Variants in CHRNE observed in about 807,000 individuals in gnomAD.
CHRNE encodes cholinergic receptor nicotinic epsilon subunit, also known as acetylcholine receptor subunit epsilon.
Under a neutral mutation model 56.5 loss-of-function variants are expected in CHRNE, and 58 were observed. The ratio of observed to expected loss-of-function variants is 1.03; its 90% CI spans 0.83 to 1.28. CHRNE has a LOEUF of 1.28. Among genes scored for constraint, CHRNE ranks in the 50% most tolerant of loss-of-function variants. CHRNE has a pLI of 0.00. For synonymous variants in CHRNE, 385 were observed against 297.9 expected (o/e 1.29, Z -3.01); for missense variants, 793 against 688.9 (o/e 1.15, Z -1.69).
rs373275223 is a variant in CHRNE at position 4,902,636 on chromosome 17, C to T, written c.174G>A (p.Thr58=). 9.7e-5 allele frequency: 156 copies of T among 1,613,978 alleles called. No individual in the cohort carries two copies. Among genetic ancestry groups the T allele is most frequent in the Non-Finnish European group, 1.3e-4 (149 of 1,180,018 alleles). ...GGTAGCTTACCAGTGAGATGAGATT[C>T]GTCAGGGTGACCTTGAGGCTGATGG... ...TVTISLKVTL[T]NLISLNEKEE... is the part of the protein sequence containing the mutation. Residue 58 remains threonine (T), a synonymous_variant, in exon 2 of 12, where the codon ACG becomes ACA. Transcript: ENST00000649488. The surrounding 1 kb of genome is among the most constrained non-coding windows in gnomAD (Gnocchi z 4.0).
At position 4,898,793 on chromosome 17, in the gene CHRNE, G is replaced by C; in HGVS notation, c.1425C>G (p.Leu475=). The C allele has an allele frequency of 6.2e-7, 1 of 1,608,098 alleles. No homozygotes were observed. The highest frequency in any genetic ancestry group is 8.5e-7 in the Non-Finnish European group (1 of 1,177,776). Residue 475 remains leucine, a synonymous_variant, in exon 12 of 12, where the codon CTC becomes CTG. Transcript: ENST00000649488. ...CAGGCACTCGGTTGAAGTAGGCCCC[G>C]AGGAAGATGAGGCTGGAGCCCACGC... ...LFSVGSSLIF[L]GAYFNRVPDL...
rs1222104053 is a variant in CHRNE at position 4,897,961 on chromosome 17, G to A, written c.*775C>T. The A allele has an allele frequency of 1.4e-5, 2 of 138,474 alleles. No individual in the cohort carries two copies. Among genetic ancestry groups the A allele is most frequent in the Non-Finnish European group, 3.0e-5 (2 of 66,558 alleles). The allele number at this position is 138,474 out of a possible 1,614,324, so 8.6% of individuals were successfully genotyped here. ...CCTTGCTTGCATCTGTATATAGTGTGAGCAGCAAGTAACCCTTCTCCCTCC... is the reference window on the plus strand; with the variant it reads ...CCTTGCTTGCATCTGTATATAGTGTAAGCAGCAAGTAACCCTTCTCCCTCC... On this transcript the variant is annotated 3_prime_UTR_variant, in exon 12 of 12. Transcript: ENST00000649488.
rs1327225681 is a variant in CHRNE at position 4,899,540 on chromosome 17, C to A, written c.960G>T (p.Met320Ile). ...FVMVVATLIV[M>I]NCVIVLNVSQ... ...ACACGTTGAGCACGATGACGCAATT[C>A]ATGACAATGAGCGTGGCGACCACCA... Residue 320 changes from methionine to isoleucine, a missense_variant, in exon 9 of 12, where the codon ATG becomes ATT. Coordinates refer to ENST00000649488, the MANE Select transcript of CHRNE (RefSeq NM_000080.4). The A allele has an allele frequency of 6.2e-7, 1 of 1,603,018 alleles. No homozygotes were observed. Among genetic ancestry groups the A allele is most frequent in the Admixed American group, 1.7e-5 (1 of 58,578 alleles).
chr17:4,902,077 G>C lies in CHRNE; in HGVS notation c.355C>G (p.Gln119Glu), dbSNP rs773553639. The change falls in exon 5 of 12, where the codon CAG (glutamine) becomes GAG (glutamate). Residue 119 changes from glutamine to glutamate, a missense_variant. Transcript: ENST00000649488. The surrounding 1 kb of genome is among the most constrained non-coding windows in gnomAD (Gnocchi z 4.0). ...TTGGCGTCGTAGGCCACTCCGAACTGGCCATCAATACTGTGGGCTCGGGGA... is the reference window on the plus strand; with the variant it reads ...TTGGCGTCGTAGGCCACTCCGAACTCGCCATCAATACTGTGGGCTCGGGGA... ...EIVLENNIDG[Q>E]FGVAYDANVL... 1 of 1,614,026 alleles carries C rather than the reference G, an allele frequency of 6.2e-7. No homozygotes were observed. The highest frequency in any genetic ancestry group is 8.5e-7 in the Non-Finnish European group (1 of 1,180,012).
chr17:4,901,882 A>AGGG, intron 5 of CHRNE, 50 bp downstream of exon 5: 1 of 1,484,020 alleles, frequency 6.7e-7, no homozygotes, highest in Non-Finnish European at 9.3e-7. Flanking sequence ...CCGCCCCATA[A>AGGG]GGCCCCCCCC....
rs748823182 is a variant in CHRNE, at chr17:4,901,208, G to A, written c.602-18C>T. ...GCCGTTCTCTGCGGGACGGGGGCAC[G>A]GTCAGCTGGCTGTCAGAGCGGGGCG... On this transcript the variant is annotated intron_variant, in intron 6 of 11. Coordinates refer to ENST00000649488, the MANE Select transcript of CHRNE (RefSeq NM_000080.4). 5.6e-6 allele frequency: 9 copies of A among 1,597,582 alleles called. No individual in the cohort carries two copies. Among genetic ancestry groups the A allele is most frequent in the African/African-American group, 1.3e-5 (1 of 74,920 alleles).
chr17:4,907,590 A>AT (rs386627263), upstream of CHRNE, among the ~76,000 whole-genome samples: 9 of 124,918 alleles, frequency 7.2e-5, no homozygotes, highest in African/African-American at 1.2e-4. Context: ...AAAAAAAAAA[A>AT]CACTCTCAGC....
chr17:4,901,411 C>G, intron 6 of CHRNE, 114 bp downstream of exon 6: 2 of 1,071,944 alleles, frequency 1.9e-6, no homozygotes. Context: ...GTAAGCTAAA[C>G]CCAGTTGTGG....
At chr17:4,900,236 G>GCC in intron 8 of CHRNE, 1 of 1,547,338 alleles carries the variant, frequency 6.5e-7, no homozygotes, top group Non-Finnish European at 8.7e-7. Flanking sequence ...CCCCAATGCA[G>GCC]ATCTCAGCCC....
At chr17:4,901,440 G>T in intron 6 of CHRNE, 85 bp downstream of exon 6, 1 of 1,283,872 alleles carries the variant, frequency 7.8e-7, no homozygotes, top group Non-Finnish European at 1.1e-6. Flanking sequence ...CTCCAGTGTC[G>T]TTGGTCCGGG....
At chr17:4,899,984 G>A (rs1039173948) in intron 8 of CHRNE, 14 of 1,551,366 alleles carry the variant, frequency 9.0e-6, no homozygotes, top group Non-Finnish European at 1.0e-5. Flanking sequence ...CTCCGTGGCC[G>A]CAGCCCATGA....
intron 8 of CHRNE, chr17:4,900,342 G>A: frequency 6.5e-7 from 1 of 1,546,956 alleles, no homozygotes; most frequent in Non-Finnish European, 8.7e-7. Flanking sequence ...GGTAGCCCAA[G>A]CCGCAGGGCA....
chr17:4,899,217 G>T lies in CHRNE; in HGVS notation c.1200C>A (p.His400Gln). 6.2e-7 allele frequency: 1 copy of T among 1,606,256 alleles called. No homozygotes were observed. ...GCTCACCCGTCCAGGTCCCCTGCCGGTGCCTCTGCCCCTCAAACACGAGCT... is the reference window on the plus strand; with the variant it reads ...GCTCACCCGTCCAGGTCCCCTGCCGTTGCCTCTGCCCCTCAAACACGAGCT... The part of the protein sequence containing the change: ...RSELVFEGQR[H>Q]RQGTWTAAFC... The change falls in exon 10 of 12, where the codon CAC (histidine) becomes CAA (glutamine). Residue 400 changes from histidine (H) to glutamine (Q), a missense_variant. His to Gln is a conservative substitution (Grantham distance 24). Transcript: ENST00000649488.
intron 8 of CHRNE, chr17:4,900,411 G>A (rs780781963): frequency 3.2e-6 from 5 of 1,550,918 alleles, no homozygotes; most frequent in East Asian, 4.9e-5. Context: ...AGTCCAGGGA[G>A]CATGGCTATG....
rs918736494 is a variant in CHRNE, at chr17:4,898,568, G to A, written c.*168C>T. On this transcript the variant is annotated 3_prime_UTR_variant, in exon 12 of 12. Transcript: ENST00000649488. ...TTCCTCCTGCTGACCCCTGGACTGCGGCCAGGCCTACACACGCCAGGGAAC... is the reference window on the plus strand; with the variant it reads ...TTCCTCCTGCTGACCCCTGGACTGCAGCCAGGCCTACACACGCCAGGGAAC... 2.5e-5 allele frequency: 22 copies of A among 888,052 alleles called. No homozygotes were observed. Among genetic ancestry groups the A allele is most frequent in the African/African-American group, 8.3e-5 (5 of 60,572 alleles). 55.0% of individuals were successfully genotyped at this position (888,052 alleles called of 1,614,324 possible).
At chr17:4,899,149 C>G (rs201428928) in intron 10 of CHRNE, 42 bp from the exon 11 acceptor site, 88 of 1,597,156 alleles carry the variant, frequency 5.5e-5, no homozygotes, top group South Asian at 3.6e-4. Flanking sequence ...GAGCCTCCCC[C>G]CTGGCAGGCA....
chr17:4,898,594 G>T lies in CHRNE; in HGVS notation c.*142C>A. 8.5e-7 allele frequency: 1 copy of T among 1,175,548 alleles called. No homozygotes were observed. Among genetic ancestry groups the T allele is most frequent in the Non-Finnish European group, 1.2e-6 (1 of 826,746 alleles). The allele number at this position is 1,175,548 out of a possible 1,614,324, so 72.8% of individuals were successfully genotyped here. On this transcript the variant is annotated 3_prime_UTR_variant, in exon 12 of 12. Transcript: ENST00000649488. ...GCCAGGCCTACACACGCCAGGGAAC[G>T]GGCACACACCATTCTTGTGAAGTTC... is the stretch of plus-strand genomic sequence containing the variant.
chr17:4,908,512 C>T (rs1403838437), intron 1 of CHRNE, among the ~76,000 whole-genome samples: 3 of 151,960 alleles, frequency 2.0e-5, no homozygotes, highest in East Asian at 1.9e-4. Context: ...GCTCAGCCAC[C>T]GTCTTTGTCT....
chr17:4,902,142 C>A lies in CHRNE; in HGVS notation c.345-55G>T, dbSNP rs72835061. 140,240 of 1,613,540 alleles carry A rather than the reference C, an allele frequency of 0.087. 6,447 individuals are homozygous for A. Among genetic ancestry groups the A allele is most frequent in the Non-Finnish European group, 0.092 (108,449 of 1,179,650 alleles). On this transcript the variant is annotated intron_variant, in intron 4 of 11. Coordinates refer to ENST00000649488, the MANE Select transcript of CHRNE (RefSeq NM_000080.4). This position sits in a 1 kb window ranked among gnomAD's most constrained non-coding sequence, Gnocchi z 4.0. ...CACAGGTCTGCACCCTCTCAGAGTACCCCCTTCCCCAACCAAGTCCAGCCC... is the reference window on the plus strand; with the variant it reads ...CACAGGTCTGCACCCTCTCAGAGTAACCCCTTCCCCAACCAAGTCCAGCCC...
Sources: allele counts gnomAD v4.1 joint callset (sites outside exome capture counted in the v4.1 genomes callset), GRCh38; gene constraint gnomAD v4.1.1; non-coding constraint Gnocchi (gnomAD v3.1); transcripts MANE v1.5; gene names NCBI Gene and HGNC (gene_info 2026-07-23, HGNC 2026-07-21).